Variants in TASP1 observed in about 807,000 individuals in gnomAD.
TASP1 encodes taspase 1.
TASP1 carries 16 observed loss-of-function variants against 56.6 expected under a neutral mutation model. The ratio of observed to expected loss-of-function variants is 0.28; its 90% CI spans 0.19 to 0.43. The LOEUF is 0.43. Among genes scored for constraint, TASP1 ranks in the 20% least tolerant of loss-of-function variants. The pLI, the probability that TASP1 is intolerant of heterozygous loss-of-function variation, is 1.00. For missense variants in TASP1, 393 were observed against 511.6 expected, an observed-to-expected ratio of 0.77 and a Z score of 2.24; for synonymous variants, 179 against 184.2, an observed-to-expected ratio of 0.97 and a Z score of 0.23.
chr20:13,216,986 G>A, the TASP1 span, among the ~76,000 whole-genome samples: 3 of 152,162 alleles, frequency 2.0e-5, no homozygotes, highest in African/African-American at 7.2e-5. Context: ...GAATGCCCAG[G>A]AAGAAACAGG....
chr20:13,481,179 T>G lies in TASP1; in HGVS notation c.985+2048A>C, dbSNP rs144917978. Among the ~76,000 whole-genome samples, 290 of 152,268 alleles carry G rather than the reference T, an allele frequency of 1.9e-3. 1 individual carries two copies. Among genetic ancestry groups the G allele is most frequent in the African/African-American group, 6.7e-3 (280 of 41,558 alleles). On this transcript the variant is annotated intron_variant, in intron 11 of 13. Coordinates refer to ENST00000337743, the MANE Select transcript of TASP1 (RefSeq NM_017714.3). ...TAAGTGAGAACATGTGATATTTGTC[T>G]TTCTGTGCCTGGCTTATTTCACTTA...
intron 11 of TASP1, among the ~76,000 whole-genome samples, chr20:13,438,705 A>G (rs2043104271): frequency 6.6e-6 from 1 of 152,234 alleles, no homozygotes; most frequent in African/African-American, 2.4e-5. Flanking sequence ...AACCACCATC[A>G]GAGTGAACAG....
At chr20:13,159,992 T>A in the TASP1 span, 1 of 1,540,926 alleles carries the variant, frequency 6.5e-7, no homozygotes, top group South Asian at 1.3e-5. Context: ...CTTTTTTTGC[T>A]TTTCCTTAAG....
chr20:13,205,994 A>G, the TASP1 span, among the ~76,000 whole-genome samples: 1 of 152,180 alleles, frequency 6.6e-6, no homozygotes, highest in Non-Finnish European at 1.5e-5. Flanking sequence ...GACCTCCATC[A>G]CCGGGTGCAG....
the TASP1 span, among the ~76,000 whole-genome samples, chr20:13,264,482 G>A: frequency 1.3e-5 from 2 of 152,140 alleles, no homozygotes; most frequent in African/African-American, 4.8e-5. Flanking sequence ...CATTTCCATA[G>A]CTTTATCTTC....
intron 8 of TASP1, among the ~76,000 whole-genome samples, chr20:13,543,959 T>G (rs895878512): frequency 1.3e-5 from 2 of 152,186 alleles, no homozygotes; most frequent in African/African-American, 2.4e-5. Context: ...CACTCTTAAA[T>G]GAGTTTGTTC....
chr20:13,448,268 A>C (rs2043485204), intron 11 of TASP1, among the ~76,000 whole-genome samples: 1 of 152,076 alleles, frequency 6.6e-6, no homozygotes, highest in African/African-American at 2.4e-5. Flanking sequence ...TACATTTTTA[A>C]TCACATAGTA....
intron 11 of TASP1, among the ~76,000 whole-genome samples, chr20:13,453,061 G>T (rs765205111): frequency 6.6e-6 from 1 of 152,042 alleles, no homozygotes; most frequent in Non-Finnish European, 1.5e-5. Flanking sequence ...AATGATTAAC[G>T]AAAGGAGCCA....
chr20:13,268,363 TC>T, the TASP1 span, among the ~76,000 whole-genome samples: 1 of 68,364 alleles, frequency 1.5e-5, no homozygotes, highest in African/African-American at 5.7e-5. Context: ...TCTCTCTCTC[TC>T]TCTCTCTCTC....
the TASP1 span, chr20:13,221,764 G>A: frequency 2.8e-6 from 4 of 1,429,934 alleles, no homozygotes; most frequent in Non-Finnish European, 9.1e-7. Flanking sequence ...CTAAAGCCGC[G>A]CGTCTCAAAA....
chr20:13,389,132 G>A (rs2041189879), downstream of TASP1, among the ~76,000 whole-genome samples: 1 of 152,044 alleles, frequency 6.6e-6, no homozygotes, highest in African/African-American at 2.4e-5. Context: ...TGAAACTATC[G>A]AGCTTTTAGC....
chr20:13,309,921 T>C, the TASP1 span, among the ~76,000 whole-genome samples: 1 of 151,890 alleles, frequency 6.6e-6, no homozygotes, highest in Non-Finnish European at 1.5e-5. Flanking sequence ...GTATAAAACA[T>C]CAATGAAAGA....
intron 13 of TASP1, among the ~76,000 whole-genome samples, chr20:13,398,388 G>C (rs78349653): frequency 3.3e-5 from 5 of 151,558 alleles, no homozygotes; most frequent in Admixed American, 6.6e-5. Context: ...AAAAAAAAGC[G>C]GGGGGCAGTG....
At chr20:13,190,762 A>G in the TASP1 span, among the ~76,000 whole-genome samples, 72 of 152,300 alleles carry the variant, frequency 4.7e-4, no homozygotes, top group African/African-American at 1.6e-3. Flanking sequence ...AAACTTCCGC[A>G]TGGCAAAGGA....
chr20:13,148,716 C>A, the TASP1 span, among the ~76,000 whole-genome samples: 142 of 152,310 alleles, frequency 9.3e-4, no homozygotes, highest in African/African-American at 3.3e-3. Flanking sequence ...GTCTGCTTGG[C>A]TGAACCTTGT....
At chr20:13,275,007 G>C in the TASP1 span, among the ~76,000 whole-genome samples, 1 of 152,292 alleles carries the variant, frequency 6.6e-6, no homozygotes, top group East Asian at 1.9e-4. Context: ...GGTATCCTTG[G>C]CTGGGTTTTC....
chr20:13,467,607 T>C (rs992417350), intron 11 of TASP1, among the ~76,000 whole-genome samples: 1 of 152,180 alleles, frequency 6.6e-6, no homozygotes, highest in Non-Finnish European at 1.5e-5. Flanking sequence ...TATTTGTCTC[T>C]AAATATTACA....
intron 10 of TASP1, among the ~76,000 whole-genome samples, chr20:13,521,085 C>T (rs1162798579): frequency 1.3e-5 from 2 of 152,182 alleles, no homozygotes; most frequent in African/African-American, 2.4e-5. Flanking sequence ...TACCATCTCA[C>T]ACCAGTTAGA....
chr20:13,550,141 T>TAC (rs773629764), intron 8 of TASP1, among the ~76,000 whole-genome samples: 95 of 89,318 alleles, frequency 1.1e-3, no homozygotes, highest in Middle Eastern at 0.011. Flanking sequence ...ATGGAATATA[T>TAC]ACACATACAC....
Sources: gnomAD v4.1 joint callset for allele counts (sites outside exome capture counted in the v4.1 genomes callset) on GRCh38, gnomAD v4.1.1 for gene constraint, MANE v1.5 for transcripts, NCBI Gene and HGNC (gene_info 2026-07-23, HGNC 2026-07-21) for gene names.